Variants in LRMDA observed in about 807,000 individuals in gnomAD.
The protein encoded by LRMDA is leucine-rich melanocyte differentiation-associated protein.
A neutral mutation model predicts 29.8 loss-of-function variants in LRMDA; 18 were observed. The ratio of observed to expected loss-of-function variants is 0.60; its 90% CI spans 0.42 to 0.90. The LOEUF is 0.90. LRMDA is among the 40% of genes least tolerant of loss of function. LRMDA has a pLI of 0.00. For synonymous variants in LRMDA, 125 were observed against 109.4 expected, an observed-to-expected ratio of 1.14 and a Z score of -0.89; for missense variants, 273 against 273.9, an observed-to-expected ratio of 1.00 and a Z score of 0.02.
chr10:75,830,932 G>C (rs1844330398), intron 2 of LRMDA, among the ~76,000 whole-genome samples: 1 of 152,076 alleles, frequency 6.6e-6, no homozygotes, highest in African/African-American at 2.4e-5. Context: ...TTACTTCCTA[G>C]ACAAAACAGG....
intron 1 of LRMDA, among the ~76,000 whole-genome samples, chr10:75,435,926 A>G (rs1844258730): frequency 6.6e-6 from 1 of 152,180 alleles, no homozygotes; most frequent in African/African-American, 2.4e-5. Flanking sequence ...GCTGATCAAG[A>G]AAACTCATGT....
chr10:76,077,244 C>T (rs1191424429), intron 5 of LRMDA, among the ~76,000 whole-genome samples: 1 of 152,176 alleles, frequency 6.6e-6, no homozygotes, highest in Non-Finnish European at 1.5e-5. Flanking sequence ...CACCATCCTC[C>T]TACTTAGAGG....
chr10:76,268,747 C>A (rs540035303), intron 5 of LRMDA, among the ~76,000 whole-genome samples: 1 of 152,162 alleles, frequency 6.6e-6, no homozygotes, highest in East Asian at 1.9e-4. Context: ...TCTGTCCTTA[C>A]GCCCCCATTG....
At chr10:75,748,117 G>A (rs1208598271) in intron 2 of LRMDA, among the ~76,000 whole-genome samples, 1 of 151,714 alleles carries the variant, frequency 6.6e-6, no homozygotes, top group Non-Finnish European at 1.5e-5. Flanking sequence ...TTTCCAGACA[G>A]AGTTCTGCTC....
intron 5 of LRMDA, among the ~76,000 whole-genome samples, chr10:76,321,064 A>C (rs1387539266): frequency 1.3e-5 from 2 of 152,320 alleles, no homozygotes; most frequent in Middle Eastern, 3.4e-3. Flanking sequence ...ACTGATATAC[A>C]ACATTATTTT....
At position 76,069,119 on chromosome 10, in the gene LRMDA, G is replaced by A. The variant is rs564352091; in HGVS notation, c.516+10336G>A. Among the ~76,000 whole-genome samples the A allele has an allele frequency of 9.2e-5, 14 of 152,316 alleles. No individual in the cohort carries two copies. In the South Asian group the frequency reaches 2.9e-3, roughly 32 times the overall value. ...TCTGCTACAACCCTCTGGGAGGTGTGTTTTTGCCTAGAAGTTGTTTTGCCC... is the reference window on the plus strand; with the variant it reads ...TCTGCTACAACCCTCTGGGAGGTGTATTTTTGCCTAGAAGTTGTTTTGCCC... On this transcript the variant is annotated intron_variant, in intron 5 of 6. Transcript: ENST00000611255.
chr10:76,354,559 C>A (rs1022754830), intron 6 of LRMDA, among the ~76,000 whole-genome samples: 1 of 152,146 alleles, frequency 6.6e-6, no homozygotes, highest in African/African-American at 2.4e-5. Flanking sequence ...TGACAGTAGC[C>A]AGCTGCTTCC....
chr10:76,029,926 C>T (rs758066535), intron 2 of LRMDA, among the ~76,000 whole-genome samples: 2 of 152,102 alleles, frequency 1.3e-5, no homozygotes, highest in Non-Finnish European at 2.9e-5. Flanking sequence ...AATGAGGTCT[C>T]GCTCTGTTGC....
chr10:76,212,268 TAAA>T (rs201037683), intron 5 of LRMDA, among the ~76,000 whole-genome samples: 6 of 108,190 alleles, frequency 5.5e-5, no homozygotes, highest in East Asian at 3.1e-4. Flanking sequence ...CACACACACA[TAAA>T]AAAAAAAAAC....
intron 6 of LRMDA, among the ~76,000 whole-genome samples, chr10:76,384,074 T>TA (rs1236961462): frequency 6.6e-6 from 1 of 152,172 alleles, no homozygotes; most frequent in African/African-American, 2.4e-5. Flanking sequence ...GCATGGTCCT[T>TA]AATCTGTCCT....
chr10:75,701,589 G>A (rs1842308915), intron 2 of LRMDA, among the ~76,000 whole-genome samples: 1 of 152,156 alleles, frequency 6.6e-6, no homozygotes, highest in African/African-American at 2.4e-5. Flanking sequence ...GTGGGTCGGT[G>A]GGTGCTGAAG....
intron 2 of LRMDA, among the ~76,000 whole-genome samples, chr10:75,771,995 A>T (rs1213267070): frequency 6.6e-6 from 1 of 152,200 alleles, no homozygotes; most frequent in Non-Finnish European, 1.5e-5. Flanking sequence ...AGCAGTATGT[A>T]ATAGTAAATC....
At chr10:75,467,639 G>A (rs1035318921) in intron 2 of LRMDA, among the ~76,000 whole-genome samples, 1 of 152,124 alleles carries the variant, frequency 6.6e-6, no homozygotes, top group African/African-American at 2.4e-5. Flanking sequence ...TGGATAAATT[G>A]TGGGGACAGG....
rs986726994 is a variant in LRMDA at position 76,284,367 on chromosome 10, C to T, written c.517-40034C>T. Among the ~76,000 whole-genome samples the T allele has an allele frequency of 2.6e-5, 4 of 151,966 alleles. No homozygotes were observed. In the East Asian group the frequency reaches 7.7e-4, roughly 29 times the overall value. ...GAGCAATGTGCTTTTGAAAATGGAG[C>T]CAGGGGTGCAAGACAGGGAACACAG... On this transcript the variant is annotated intron_variant, in intron 5 of 6. Coordinates refer to ENST00000611255, the MANE Select transcript of LRMDA (RefSeq NM_001305581.2).
At chr10:75,786,467 T>G (rs938901308) in intron 2 of LRMDA, among the ~76,000 whole-genome samples, 1 of 152,206 alleles carries the variant, frequency 6.6e-6, no homozygotes, top group Non-Finnish European at 1.5e-5. Context: ...CTTACCCCTC[T>G]CTAGTTTTCT....
rs184910601 is a variant in LRMDA, at chr10:76,072,381, G to A, written c.516+13598G>A. Reference sequence around the variant, plus strand: ...CAGAGATAATAATGCCTGGCAGGCAGTTCTGCAGTGCTGATAGATAAGAAA... The same window carrying A: ...CAGAGATAATAATGCCTGGCAGGCAATTCTGCAGTGCTGATAGATAAGAAA... On this transcript the variant is annotated intron_variant, in intron 5 of 6. Transcript: ENST00000611255. 2.6e-5 allele frequency among the ~76,000 whole-genome samples: 4 copies of A among 152,288 alleles called. No homozygotes were observed. In the East Asian group the frequency reaches 7.7e-4, roughly 29 times the overall value.
At chr10:75,846,724 C>A (rs1005442393) in intron 2 of LRMDA, among the ~76,000 whole-genome samples, 1 of 151,652 alleles carries the variant, frequency 6.6e-6, no homozygotes, top group Non-Finnish European at 1.5e-5. Context: ...AAAAACAAAC[C>A]CCCCACCACC....
intron 2 of LRMDA, among the ~76,000 whole-genome samples, chr10:75,682,650 G>A (rs558361714): frequency 6.6e-6 from 1 of 152,160 alleles, no homozygotes; most frequent in Non-Finnish European, 1.5e-5. Flanking sequence ...CAAAGACCAC[G>A]TGCCTAGAAA....
intron 2 of LRMDA, among the ~76,000 whole-genome samples, chr10:75,864,486 A>T (rs1037357290): frequency 2.0e-5 from 3 of 152,112 alleles, no homozygotes; most frequent in African/African-American, 7.2e-5. Context: ...CATTCAACCC[A>T]TGTGGCATTA....
Sources: allele counts gnomAD v4.1 joint callset (sites outside exome capture counted in the v4.1 genomes callset), GRCh38; gene constraint gnomAD v4.1.1; transcripts MANE v1.5; gene names NCBI Gene and HGNC (gene_info 2026-07-23, HGNC 2026-07-21).